Variants in ALKBH7 observed in about 807,000 individuals in gnomAD.
ALKBH7 encodes the protein RNA demethylase ALKBH7, mitochondrial.
In ALKBH7, 21 loss-of-function variants were observed where a neutral mutation model predicts 19.3. That is an observed-to-expected ratio of 1.09 (90% CI 0.77 to 1.56). The LOEUF is 1.56. Among genes scored for constraint, ALKBH7 ranks in the 40% most tolerant of loss-of-function variants. ALKBH7 has a pLI of 0.00. For missense variants in ALKBH7, 354 were observed against 311.4 expected (o/e 1.14, Z -1.03); for synonymous variants, 147 against 139.5 (o/e 1.05, Z -0.38).
At chr19:6,374,687 G>A (rs936909630) in intron 3 of ALKBH7, 98 bp downstream of exon 3, 2 of 1,603,618 alleles carry the variant, frequency 1.2e-6, no homozygotes, top group South Asian at 2.2e-5. Context: ...CCCCGAAGAC[G>A]CCTTTACCCC....
Position 6,374,344 on chromosome 19 carries a change from G to A in ALKBH7, c.346G>A (p.Gly116Ser). The A allele has an allele frequency of 6.2e-7, 1 of 1,610,726 alleles. No homozygotes were observed. The highest frequency in any genetic ancestry group is 8.5e-7 in the Non-Finnish European group (1 of 1,178,984). The change falls in exon 2 of 4, where the codon GGC becomes AGC. Residue 116 changes from glycine to serine, a missense_variant. Physicochemically the swap from Gly to Ser is moderately conservative, Grantham distance 56 (BLOSUM62 0). Transcript: ENST00000245812. ...GCACGTGCTGGACCTGGAAGCCCGCGGCTACATCAAGCCCCACGTGGACAG... is the reference window on the plus strand; with the variant it reads ...GCACGTGCTGGACCTGGAAGCCCGCAGCTACATCAAGCCCCACGTGGACAG... ...SVHVLDLEARGYIKPHVDSIK... is the reference protein window; with the variant it reads ...SVHVLDLEARSYIKPHVDSIK...
chr19:6,373,900 C>T (rs887107163), intron 1 of ALKBH7: 22 of 984,828 alleles, frequency 2.2e-5, no homozygotes, highest in Admixed American at 6.2e-5. Context: ...GGATGTGGAG[C>T]CAGATGATGT....
At chr19:6,374,147 C>G (rs952721884) in intron 1 of ALKBH7, 56 bp from the exon 2 acceptor site, 35 of 1,588,210 alleles carry the variant, frequency 2.2e-5, no homozygotes, top group African/African-American at 1.1e-4. Context: ...CCCTCCTTGC[C>G]TCAGTTTCCT....
At chr19:6,374,738 G>A (rs1328303790) in intron 3 of ALKBH7, 73 bp from the exon 4 acceptor site, 2 of 1,592,162 alleles carry the variant, frequency 1.3e-6, no homozygotes, top group East Asian at 2.2e-5. Context: ...GAATCCAGGA[G>A]GCTGGAATCC....
At position 6,374,914 on chromosome 19, in the gene ALKBH7, C is replaced by T. The variant is rs756913702; in HGVS notation, c.607C>T (p.Arg203Cys). Residue 203 changes from arginine to cysteine, a missense_variant, in exon 4 of 4, where the codon CGC becomes TGC. Coordinates refer to ENST00000245812, the MANE Select transcript of ALKBH7 (RefSeq NM_032306.4). ...PRGRRISVIC[R>C]SLPEGMGPGE... Reference sequence around the variant, plus strand: ...GGGCCGGCGCATCTCCGTGATCTGCCGCTCCCTCCCTGAGGGCATGGGGCC... The same window carrying T: ...GGGCCGGCGCATCTCCGTGATCTGCTGCTCCCTCCCTGAGGGCATGGGGCC... 8.1e-6 allele frequency: 13 copies of T among 1,613,820 alleles called. No homozygotes were observed. Among genetic ancestry groups the T allele is most frequent in the Admixed American group, 1.7e-5 (1 of 60,004 alleles).
intron 1 of ALKBH7, chr19:6,373,482 TA>T (rs1196267296): frequency 6.0e-5 from 25 of 419,910 alleles, no homozygotes; most frequent in Non-Finnish European, 5.6e-5. Flanking sequence ...GAGTCGGGTG[TA>T]GGGTTGGGGT....
intron 1 of ALKBH7, among the ~76,000 whole-genome samples, 164 bp downstream of exon 1, chr19:6,373,188 TG>T (rs2091900194): frequency 1.3e-5 from 1 of 78,408 alleles, no homozygotes; most frequent in Admixed American, 1.8e-4. Context: ...AGGGCCACAC[TG>T]GGGGCGGTTA....
chr19:6,373,908 T>C (rs2091906419), intron 1 of ALKBH7: 1 of 984,760 alleles, frequency 1.0e-6, no homozygotes, highest in Admixed American at 6.2e-5. Context: ...AGCCAGATGA[T>C]GTTGAGAGAC....
Position 6,372,826 on chromosome 19 carries a change from C to T in ALKBH7, c.6C>T (p.Ala2=), listed in dbSNP as rs1172499204. 19 of 1,543,844 alleles carry T rather than the reference C, an allele frequency of 1.2e-5. No homozygotes were observed. Among genetic ancestry groups the T allele is most frequent in the East Asian group, 2.4e-5 (1 of 41,336 alleles). Residue 2 remains alanine (A), a synonymous_variant, in exon 1 of 4, where the codon GCC becomes GCT. Coordinates refer to ENST00000245812, the MANE Select transcript of ALKBH7 (RefSeq NM_032306.4). ...CATGACCCCGCTCCGGGATTATGGC[C>T]GGGACTGGGCTGCTGGCGCTGCGGA... is the stretch of plus-strand genomic sequence containing the variant. M[A]GTGLLALRTL... is the part of the protein sequence containing the mutation.
rs1490251247 is a variant in ALKBH7, at chr19:6,372,904, C to T, written c.84C>T (p.Arg28=). 1 of 1,554,772 alleles carries T rather than the reference C, an allele frequency of 6.4e-7. No homozygotes were observed. Among genetic ancestry groups the T allele is most frequent in the African/African-American group, 1.4e-5 (1 of 73,466 alleles). Residue 28 remains arginine, a synonymous_variant, in exon 1 of 4, where the codon CGC becomes CGT. Transcript: ENST00000245812. ...VRGSGPSVLS[R]LQDAAVVRPG... Reference sequence around the variant, plus strand: ...GCTCGGGCCCTTCCGTGCTGAGCCGCCTGCAGGACGCGGCCGTGGTGCGGC... The same window carrying T: ...GCTCGGGCCCTTCCGTGCTGAGCCGTCTGCAGGACGCGGCCGTGGTGCGGC...
intron 1 of ALKBH7, chr19:6,373,485 G>C (rs1258387454): frequency 1.1e-5 from 6 of 540,490 alleles, no homozygotes; most frequent in Middle Eastern, 5.1e-4. Context: ...TCGGGTGTAG[G>C]GTTGGGGTGC....
intron 3 of ALKBH7, 68 bp downstream of exon 3, chr19:6,374,657 C>G: frequency 6.2e-7 from 1 of 1,609,244 alleles, no homozygotes; most frequent in African/African-American, 1.3e-5. Context: ...GCCCTGGGTA[C>G]TTTCCCTCAA....
intron 1 of ALKBH7, chr19:6,373,602 T>C: frequency 8.9e-7 from 1 of 1,118,504 alleles, no homozygotes; most frequent in Non-Finnish European, 1.1e-6. Context: ...TGGGGCGGGG[T>C]CCGTGGAGTC....
chr19:6,374,442 C>T (rs775267761), intron 2 of ALKBH7, 23 bp from the exon 3 acceptor site: 1 of 1,612,118 alleles, frequency 6.2e-7, no homozygotes, highest in Non-Finnish European at 8.5e-7. Context: ...AGATCCTGAC[C>T]CATCCCCACG....
Position 6,374,338 on chromosome 19 carries a change from G to T in ALKBH7, c.340G>T (p.Ala114Ser), listed in dbSNP as rs1390613906. 12 of 1,610,796 alleles carry T rather than the reference G, an allele frequency of 7.4e-6. No individual in the cohort carries two copies. The highest frequency in any genetic ancestry group is 1.0e-5 in the Non-Finnish European group (12 of 1,179,030). ...LSSVHVLDLE[A>S]RGYIKPHVDS... ...CTCCGTGCACGTGCTGGACCTGGAA[G>T]CCCGCGGCTACATCAAGCCCCACGT... The change falls in exon 2 of 4, where the codon GCC becomes TCC. Residue 114 changes from alanine to serine, a missense_variant. By Grantham distance (99) the Ala-to-Ser change is moderately conservative. Transcript: ENST00000245812.
intron 3 of ALKBH7, 71 bp from the exon 4 acceptor site, chr19:6,374,740 C>T: frequency 6.3e-7 from 1 of 1,593,978 alleles, no homozygotes; most frequent in South Asian, 1.1e-5. Flanking sequence ...ATCCAGGAGG[C>T]TGGAATCCAG....
Position 6,374,593 on chromosome 19 carries a change from C to T in ALKBH7, c.503+4C>T. The stretch of plus-strand genomic sequence containing the variant: ...CGGGCTCCCTCTACATCCTTAGGTA[C>T]CTCCATCCAGGCAGCACCCACCCCT... On this transcript the variant is annotated splice_donor_region_variant and intron_variant, in intron 3 of 3. Coordinates refer to ENST00000245812, the MANE Select transcript of ALKBH7 (RefSeq NM_032306.4). The T allele has an allele frequency of 1.2e-6, 2 of 1,612,818 alleles. No homozygotes were observed. The highest frequency in any genetic ancestry group is 1.7e-6 in the Non-Finnish European group (2 of 1,179,934).
Position 6,372,842 on chromosome 19 carries a change from G to A in ALKBH7, c.22G>A (p.Ala8Thr). 6.5e-7 allele frequency: 1 copy of A among 1,547,052 alleles called. No individual in the cohort carries two copies. The highest frequency in any genetic ancestry group is 8.7e-7 in the Non-Finnish European group (1 of 1,150,292). Reference sequence around the variant, plus strand: ...GATTATGGCCGGGACTGGGCTGCTGGCGCTGCGGACGCTGCCAGGGCCCAG... The same window carrying A: ...GATTATGGCCGGGACTGGGCTGCTGACGCTGCGGACGCTGCCAGGGCCCAG... MAGTGLL[A>T]LRTLPGPSWV... Residue 8 changes from alanine (A) to threonine (T), a missense_variant, in exon 1 of 4, where the codon GCG (alanine) becomes ACG (threonine). Coordinates refer to ENST00000245812, the MANE Select transcript of ALKBH7 (RefSeq NM_032306.4).
At position 6,372,845 on chromosome 19, in the gene ALKBH7, C is replaced by G; in HGVS notation, c.25C>G (p.Leu9Val). The G allele has an allele frequency of 2.6e-6, 4 of 1,547,490 alleles. No homozygotes were observed. The highest frequency in any genetic ancestry group is 3.5e-6 in the Non-Finnish European group (4 of 1,150,426). Residue 9 changes from leucine (L) to valine (V), a missense_variant, in exon 1 of 4, where the codon CTG (leucine) becomes GTG (valine). Coordinates refer to ENST00000245812, the MANE Select transcript of ALKBH7 (RefSeq NM_032306.4). The part of the protein sequence containing the change: MAGTGLLA[L>V]RTLPGPSWVR... The stretch of plus-strand genomic sequence containing the variant: ...TATGGCCGGGACTGGGCTGCTGGCG[C>G]TGCGGACGCTGCCAGGGCCCAGCTG...
Sources: allele counts gnomAD v4.1 joint callset (sites outside exome capture counted in the v4.1 genomes callset), GRCh38; gene constraint gnomAD v4.1.1; transcripts MANE v1.5; gene names NCBI Gene and HGNC (gene_info 2026-07-23, HGNC 2026-07-21).